The following KANSL2 variants were observed in gnomAD, a reference collection of about 807,000 sequenced individuals.
The protein encoded by KANSL2 is NSL complex protein NSL2.
In KANSL2, 34 loss-of-function variants were observed where a neutral mutation model predicts 55.6. The observed-to-expected ratio is 0.61, with a 90% CI of 0.46 to 0.81. KANSL2 has a LOEUF of 0.81. KANSL2 is among the 40% of genes least tolerant of loss of function. The probability of loss-of-function intolerance (pLI) is 0.00; values close to 1 mark genes in which losing one functional copy is unlikely to be tolerated. For synonymous variants in KANSL2, 209 were observed against 214.3 expected, an observed-to-expected ratio of 0.98 and a Z score of 0.22; for missense variants, 502 against 609.9, an observed-to-expected ratio of 0.82 and a Z score of 1.86.
At position 48,654,001 on chromosome 12, in the gene KANSL2, C is replaced by G; in HGVS notation, c.*43G>C. 1 of 1,528,216 alleles carries G rather than the reference C, an allele frequency of 6.5e-7. No individual in the cohort carries two copies. Among genetic ancestry groups the G allele is most frequent in the Non-Finnish European group, 8.8e-7 (1 of 1,138,862 alleles). The allele number at this position is 1,528,216 out of a possible 1,614,324, so 94.7% of individuals were successfully genotyped here. A position where few individuals can be genotyped will look rare whatever the true frequency, so the allele number is the denominator to read the frequency against. Reference sequence around the variant, plus strand: ...TGATCAGAAATACTTCTTTGAAGAACGAGAAATTTAAATCCACCAAAGTAA... The same window carrying G: ...TGATCAGAAATACTTCTTTGAAGAAGGAGAAATTTAAATCCACCAAAGTAA... On this transcript the variant is annotated 3_prime_UTR_variant, in exon 10 of 10. Coordinates refer to ENST00000420613, the MANE Select transcript of KANSL2 (RefSeq NM_017822.4).
chr12:48,657,100 A>G (rs1462981941), intron 8 of KANSL2, among the ~76,000 whole-genome samples: 1 of 152,188 alleles, frequency 6.6e-6, no homozygotes, highest in East Asian at 1.9e-4. Flanking sequence ...AAAGCTGCTC[A>G]GGCCGGGTGC....
At chr12:48,669,609 C>G (rs1248160158) in intron 5 of KANSL2, among the ~76,000 whole-genome samples, 1 of 151,966 alleles carries the variant, frequency 6.6e-6, no homozygotes, top group Non-Finnish European at 1.5e-5. Context: ...GCTCCGCCCC[C>G]CAGGTTCACG....
In KANSL2 at chr12:48,671,812, T is replaced by G. The variant is rs774702641; in HGVS notation, c.696A>C (p.Glu232Asp). ...KRRYLHNRKV[E>D]HEALGSSLLT... Reference sequence around the variant, plus strand: ...CATAAAACTTGCCTAGAGCTTCATGTTCCACTTTGCGATTATGTAAGTATC... The same window carrying G: ...CATAAAACTTGCCTAGAGCTTCATGGTCCACTTTGCGATTATGTAAGTATC... The change falls in exon 5 of 10, where the codon GAA becomes GAC. Residue 232 changes from glutamate to aspartate, a missense_variant. By Grantham distance (45) the Glu-to-Asp change is conservative (BLOSUM62 2). Coordinates refer to ENST00000420613, the MANE Select transcript of KANSL2 (RefSeq NM_017822.4). 2 of 1,610,622 alleles carry G rather than the reference T, an allele frequency of 1.2e-6. No individual in the cohort carries two copies. Among genetic ancestry groups the G allele is most frequent in the Non-Finnish European group, 1.7e-6 (2 of 1,178,458 alleles).
At chr12:48,659,163 G>A (rs185472876) in intron 8 of KANSL2, among the ~76,000 whole-genome samples, 177 of 151,948 alleles carry the variant, frequency 1.2e-3, no homozygotes, top group Non-Finnish European at 1.9e-3. Context: ...GCCTGCTGGC[G>A]CACACCTGTA....
At chr12:48,659,542 A>G (rs1366713546) in intron 8 of KANSL2, among the ~76,000 whole-genome samples, 4 of 151,858 alleles carry the variant, frequency 2.6e-5, no homozygotes. Flanking sequence ...AGGATCACTT[A>G]AGCCCAGGAG....
chr12:48,676,882 G>A (rs1437672812), intron 4 of KANSL2, among the ~76,000 whole-genome samples: 1 of 152,116 alleles, frequency 6.6e-6, no homozygotes, highest in African/African-American at 2.4e-5. Flanking sequence ...AGCAATTGAA[G>A]ATAAATGTGG....
chr12:48,655,265 A>G (rs1310090716), intron 8 of KANSL2, among the ~76,000 whole-genome samples: 3 of 152,172 alleles, frequency 2.0e-5, no homozygotes, highest in African/African-American at 7.2e-5. Context: ...TGTAAAACAT[A>G]GACCAATACA....
At chr12:48,676,487 G>C (rs910531656) in intron 4 of KANSL2, among the ~76,000 whole-genome samples, 1 of 152,014 alleles carries the variant, frequency 6.6e-6, no homozygotes, top group Non-Finnish European at 1.5e-5. Context: ...GAGAAACCCC[G>C]TCTCTACTAA....
intron 2 of KANSL2, 185 bp downstream of exon 2, chr12:48,681,197 G>T: frequency 1.9e-6 from 1 of 539,426 alleles, no homozygotes; most frequent in South Asian, 2.8e-5. Flanking sequence ...CCAAAGAGGT[G>T]AACTAAGTAA....
rs555855564 is a variant in KANSL2, at chr12:48,669,121, A to G, written c.861T>C (p.Asp287=). Residue 287 remains aspartate (D), a synonymous_variant, in exon 6 of 10, where the codon GAT becomes GAC. Coordinates refer to ENST00000420613, the MANE Select transcript of KANSL2 (RefSeq NM_017822.4). ...CACAAATTACCTGTTGGGCAGCACCATCTGTGGCCAGCATTCTCCGTTCCT... is the reference window on the plus strand; with the variant it reads ...CACAAATTACCTGTTGGGCAGCACCGTCTGTGGCCAGCATTCTCCGTTCCT... ...QLKERRMLAT[D]GAAQQAHTTR... The G allele has an allele frequency of 5.7e-5, 88 of 1,547,480 alleles. 6 individuals carry two copies. The South Asian group carries it at 1.1e-3, about 19-fold the overall frequency.
intron 2 of KANSL2, 120 bp downstream of exon 2, chr12:48,681,262 A>G: frequency 8.3e-7 from 1 of 1,208,782 alleles, no homozygotes; most frequent in Non-Finnish European, 1.1e-6. Flanking sequence ...CCAAGGATAC[A>G]ACCATAACCC....
rs11547848 is a variant in KANSL2, at chr12:48,679,748, C to T, written c.337G>A (p.Glu113Lys). Residue 113 changes from glutamate (E) to lysine (K), a missense_variant, in exon 3 of 10, where the codon GAA becomes AAA. Transcript: ENST00000420613. ...GAGCTCAGCTGGCACAGGAGTGTTT[C>T]ACCCACAGGCCCTGGGTTGGTCTTC... ...MKKTNPGPVGETLLCQLSSYA... is the reference protein window; with the variant it reads ...MKKTNPGPVGKTLLCQLSSYA... The T allele has an allele frequency of 3.4e-5, 55 of 1,610,702 alleles. No individual in the cohort carries two copies. The highest frequency in any genetic ancestry group is 4.1e-5 in the Non-Finnish European group (48 of 1,178,496).
chr12:48,660,446 G>C lies in KANSL2; in HGVS notation c.1147C>G (p.Leu383Val), dbSNP rs761083489. Residue 383 changes from leucine to valine, a missense_variant, in exon 8 of 10, where the codon CTG (leucine) becomes GTG (valine). By Grantham distance (32) the Leu-to-Val change is conservative. Transcript: ENST00000420613. ...PEQVLSVPDD[L>V]EAGPMDLYLS... is the part of the protein sequence containing the mutation. ...TACAGATCCATGGGGCCGGCTTCCAGATCGTCTGGCACAGACAGTACCTGC... is the reference window on the plus strand; with the variant it reads ...TACAGATCCATGGGGCCGGCTTCCACATCGTCTGGCACAGACAGTACCTGC... 1 of 1,613,822 alleles carries C rather than the reference G, an allele frequency of 6.2e-7. No individual in the cohort carries two copies. Among genetic ancestry groups the C allele is most frequent in the African/African-American group, 1.3e-5 (1 of 74,912 alleles).
At chr12:48,679,918 T>TAAAGA in intron 2 of KANSL2, 85 bp from the exon 3 acceptor site, 1 of 1,174,894 alleles carries the variant, frequency 8.5e-7, no homozygotes, top group Non-Finnish European at 1.2e-6. Flanking sequence ...TTAAATCATT[T>TAAAGA]TTAGGGAATT....
chr12:48,662,013 G>C (rs1335422428), intron 7 of KANSL2, among the ~76,000 whole-genome samples: 1 of 152,202 alleles, frequency 6.6e-6, no homozygotes, highest in Non-Finnish European at 1.5e-5. Context: ...GGAATCATCA[G>C]ATTTGCACTA....
intron 7 of KANSL2, among the ~76,000 whole-genome samples, chr12:48,665,851 C>T (rs868427064): frequency 6.6e-6 from 1 of 152,188 alleles, no homozygotes; most frequent in South Asian, 2.1e-4. Context: ...AAATAGCAAA[C>T]TTCTAATTTG....
rs17123238 is a variant in KANSL2 at position 48,678,893 on chromosome 12, T to C, written c.545+143A>G. The C allele has an allele frequency of 4.7e-3, 2,685 of 571,020 alleles. 54 individuals are homozygous for C. Among genetic ancestry groups the C allele is most frequent in the African/African-American group, 0.046 (2,436 of 52,860 alleles). 35.4% of individuals were successfully genotyped at this position (571,020 alleles called of 1,614,324 possible). ...CTTGAAGCAAGACGACAATGAACCA[T>C]GCCACTTTTATATACAGAACCTCTT... On this transcript the variant is annotated intron_variant, in intron 4 of 9. Transcript: ENST00000420613.
intron 7 of KANSL2, chr12:48,662,733 A>C: frequency 1.0e-6 from 1 of 956,056 alleles, no homozygotes; most frequent in South Asian, 1.6e-5. Context: ...AGGAAAAAAA[A>C]TACTTCCCTT....
intron 5 of KANSL2, 128 bp from the exon 6 acceptor site, chr12:48,669,400 C>CCAGGTACCAAGA: frequency 1.6e-6 from 1 of 643,604 alleles, no homozygotes; most frequent in Non-Finnish European, 2.6e-6. Flanking sequence ...GACCCCCAAT[C>CCAGGTACCAAGA]CAGGTACCAA....
Sources: allele counts gnomAD v4.1 joint callset (sites outside exome capture counted in the v4.1 genomes callset), GRCh38; gene constraint gnomAD v4.1.1; transcripts MANE v1.5; gene names NCBI Gene and HGNC (gene_info 2026-07-23, HGNC 2026-07-21).